The following ATP7A variants were observed in gnomAD, a reference collection of about 807,000 sequenced individuals.
The protein encoded by ATP7A is ATPase copper transporting alpha, also known as copper-transporting ATPase 1.
A neutral mutation model predicts 83.5 loss-of-function variants in ATP7A; 7 were observed. That is an observed-to-expected ratio of 0.08 (90% confidence interval 0.05 to 0.16). ATP7A has a LOEUF of 0.16. Ranked by LOEUF, ATP7A falls within the 10% of genes least tolerant of loss-of-function variation. ATP7A has a pLI of 1.00. For synonymous variants in ATP7A, 354 were observed against 395.2 expected, an observed-to-expected ratio of 0.90 and a Z score of 1.24; for missense variants, 940 against 1,120.8, an observed-to-expected ratio of 0.84 and a Z score of 2.30.
rs782301883 is a variant in ATP7A at position 77,939,099 on chromosome X, C to G, written c.-22+28264C>G. Among the ~76,000 whole-genome samples the G allele has an allele frequency of 2.7e-5, 3 of 111,383 alleles. No homozygotes were observed. In the South Asian group the frequency reaches 1.1e-3, roughly 41 times the overall value. The stretch of plus-strand genomic sequence containing the variant: ...CAACTTCAGTCCAGGAGTTCGAGAT[C>G]AGCCTGGCCAACATGGCAAAACCCT... On this transcript the variant is annotated intron_variant, in intron 1 of 22. Transcript: ENST00000341514.
At chrX:78,042,122 A>C (rs1459167353) in intron 19 of ATP7A, among the ~76,000 whole-genome samples, 1 of 109,595 alleles carries the variant, frequency 9.1e-6, no homozygotes, top group Non-Finnish European at 1.9e-5. Flanking sequence ...GTCTCAAAAA[A>C]AAAAAAAAAA....
At chrX:77,987,411 G>A (rs782073516) in intron 2 of ATP7A, among the ~76,000 whole-genome samples, 6 of 106,559 alleles carry the variant, frequency 5.6e-5, no homozygotes, top group Non-Finnish European at 1.2e-4. Context: ...AATTGATGCT[G>A]GAACTTAAAT....
At chrX:77,917,456 A>G (rs944640085) in intron 1 of ATP7A, among the ~76,000 whole-genome samples, 13 of 111,733 alleles carry the variant, frequency 1.2e-4, no homozygotes, top group Non-Finnish European at 2.4e-4. Flanking sequence ...TATAGGCAAC[A>G]AACTGATATT....
intron 14 of ATP7A, among the ~76,000 whole-genome samples, chrX:78,026,451 C>A (rs1319583780): frequency 8.9e-6 from 1 of 111,837 alleles, no homozygotes; most frequent in Non-Finnish European, 1.9e-5. Flanking sequence ...TACTGCTAGA[C>A]CTACAAAAAG....
At chrX:77,930,982 ATTC>A (rs1445869044) in intron 1 of ATP7A, among the ~76,000 whole-genome samples, 1 of 69,878 alleles carries the variant, frequency 1.4e-5, no homozygotes, top group African/African-American at 5.4e-5. Context: ...TTTTAGGAAC[ATTC>A]TTTTTTTTTT....
At chrX:77,962,763 C>A (rs781897346) in intron 1 of ATP7A, 2 of 389,452 alleles carry the variant, frequency 5.1e-6, no homozygotes, top group South Asian at 4.6e-5. Context: ...AACCAAACTT[C>A]TTGAAGCCAT....
At chrX:77,927,318 C>T (rs1333964479) in intron 1 of ATP7A, among the ~76,000 whole-genome samples, 10 of 111,475 alleles carry the variant, frequency 9.0e-5, no homozygotes, top group Non-Finnish European at 1.7e-4. Context: ...TTTTCTCTTA[C>T]ATACACATTC....
chrX:77,967,791 G>C (rs1197712779), intron 1 of ATP7A, among the ~76,000 whole-genome samples: 1 of 111,612 alleles, frequency 9.0e-6, no homozygotes, highest in Non-Finnish European at 1.9e-5. Flanking sequence ...TAATACCATA[G>C]ACTGGGTGGT....
chrX:78,022,771 G>A (rs1391250181), intron 14 of ATP7A, among the ~76,000 whole-genome samples: 1 of 111,304 alleles, frequency 9.0e-6, no homozygotes, highest in Non-Finnish European at 1.9e-5. Flanking sequence ...ACCTGCCTCG[G>A]CCTCCCAAAG....
At chrX:78,028,640 C>T (rs1557236622) in intron 14 of ATP7A, among the ~76,000 whole-genome samples, 1 of 112,389 alleles carries the variant, frequency 8.9e-6, no homozygotes, top group African/African-American at 3.2e-5. Context: ...CACAGACCAG[C>T]AAGTAGCTTG....
chrX:77,972,306 C>G (rs1374334100), intron 2 of ATP7A, among the ~76,000 whole-genome samples: 4 of 110,704 alleles, frequency 3.6e-5, no homozygotes, highest in Admixed American at 9.6e-5. Flanking sequence ...ATCCTCCCAT[C>G]TCGGCCTCCC....
intron 17 of ATP7A, among the ~76,000 whole-genome samples, chrX:78,035,651 C>T (rs1369858442): frequency 9.0e-6 from 1 of 111,566 alleles, no homozygotes; most frequent in Admixed American, 9.5e-5. Context: ...TCTTTTTCCA[C>T]TACCGCATAT....
At chrX:77,959,364 T>C (rs947110593) in intron 1 of ATP7A, among the ~76,000 whole-genome samples, 1 of 111,855 alleles carries the variant, frequency 8.9e-6, no homozygotes, top group Non-Finnish European at 1.9e-5. Flanking sequence ...CTTCTGAAAC[T>C]TTTTTTTCTA....
At chrX:77,972,308 C>T (rs1171260600) in intron 2 of ATP7A, among the ~76,000 whole-genome samples, 1 of 110,507 alleles carries the variant, frequency 9.0e-6, no homozygotes, top group Admixed American at 9.6e-5. Context: ...CCTCCCATCT[C>T]GGCCTCCCAA....
intron 9 of ATP7A, among the ~76,000 whole-genome samples, chrX:78,012,293 T>G (rs1422999291): frequency 1.8e-5 from 2 of 112,088 alleles, no homozygotes; most frequent in Non-Finnish European, 3.8e-5. Context: ...AGTTTCTCTG[T>G]TTTAATGAAA....
Position 78,046,886 on chromosome X carries a change from AC to A in ATP7A, c.*318del. On this transcript the variant is annotated 3_prime_UTR_variant, in exon 23 of 23. Transcript: ENST00000341514. ...GCTAAAGTGATTTTTTTTTTATTTG[AC>A]CAAAAAAAAAAAGGCCCAAGAAGAA... is the stretch of plus-strand genomic sequence containing the variant. 6.3e-6 allele frequency: 1 copy of A among 159,095 alleles called. No individual in the cohort carries two copies. The highest frequency in any genetic ancestry group is 1.1e-5 in the Non-Finnish European group (1 of 90,446). 13.1% of individuals were successfully genotyped at this position (159,095 alleles called of 1,213,427 possible). A position where few individuals can be genotyped will look rare whatever the true frequency, so the allele number is the denominator to read the frequency against.
At chrX:77,934,086 G>GA (rs1439195095) in intron 1 of ATP7A, among the ~76,000 whole-genome samples, 3 of 111,707 alleles carry the variant, frequency 2.7e-5, no homozygotes, top group Non-Finnish European at 5.6e-5. Flanking sequence ...GTCCTGTAGG[G>GA]ATGAGGAGGC....
intron 14 of ATP7A, among the ~76,000 whole-genome samples, chrX:78,023,486 A>G (rs2077921811): frequency 9.0e-6 from 1 of 111,501 alleles, no homozygotes; most frequent in African/African-American, 3.3e-5. Flanking sequence ...TTTTTTAATT[A>G]TAGCCATTCT....
At chrX:77,939,753 A>T (rs184497782) in intron 1 of ATP7A, among the ~76,000 whole-genome samples, 1 of 111,012 alleles carries the variant, frequency 9.0e-6, no homozygotes, top group East Asian at 2.8e-4. Flanking sequence ...ATATATCAAA[A>T]TTATGCAGTT....
Sources: gnomAD v4.1 joint callset for allele counts (sites outside exome capture counted in the v4.1 genomes callset) on GRCh38, gnomAD v4.1.1 for gene constraint, MANE v1.5 for transcripts, NCBI Gene and HGNC (gene_info 2026-07-23, HGNC 2026-07-21) for gene names.